The following FBXL13 variants were observed in gnomAD, a reference collection of about 807,000 sequenced individuals.
FBXL13 encodes F-box and leucine rich repeat protein 13, also known as F-box and leucine-rich repeat protein 13.
In FBXL13, 67 loss-of-function variants were observed where a neutral mutation model predicts 83.6. The ratio of observed to expected loss-of-function variants is 0.80; its 90% CI spans 0.66 to 0.98. The LOEUF is 0.98. Ranked by LOEUF, FBXL13 falls within the 50% of genes least tolerant of loss-of-function variation. The pLI is 0.00. For synonymous variants in FBXL13, 272 were observed against 299.5 expected (o/e 0.91, Z 0.95); for missense variants, 822 against 866.5 (o/e 0.95, Z 0.64).
intron 7 of FBXL13, among the ~76,000 whole-genome samples, chr7:102,964,021 C>T (rs374818227): frequency 2.2e-4 from 34 of 152,060 alleles, no homozygotes; most frequent in African/African-American, 7.0e-4. Flanking sequence ...AAATTGAAAC[C>T]ACAATGAGGT....
chr7:102,816,611 G>A (rs75440562), intron 19 of FBXL13, among the ~76,000 whole-genome samples: 2,979 of 152,190 alleles, frequency 0.02, 95 homozygotes, highest in African/African-American at 0.069. Flanking sequence ...TTGCACACAC[G>A]CACCTTTAAA....
intron 17 of FBXL13, among the ~76,000 whole-genome samples, chr7:102,841,038 T>C (rs1353606301): frequency 6.6e-6 from 1 of 152,138 alleles, no homozygotes. Context: ...TTACAAATTA[T>C]AACATGGAGA....
Position 102,969,848 on chromosome 7 carries a change from G to A in FBXL13, c.496-1731C>T, listed in dbSNP as rs570021499. 2.2e-5 allele frequency among the ~76,000 whole-genome samples: 3 copies of A among 139,524 alleles called. No homozygotes were observed. In the East Asian group the frequency reaches 6.3e-4, roughly 29 times the overall value. The allele number at this position is 139,524 out of a possible 152,430, so 91.5% of individuals were successfully genotyped here. A position where few individuals can be genotyped will look rare whatever the true frequency, so the allele number is the denominator to read the frequency against. ...GGAGAGGGGAGGGGAGGGGAGGGGA[G>A]GGGAGGGAAAAGAAAAGAAAAGAAA... On this transcript the variant is annotated intron_variant, in intron 6 of 19. Transcript: ENST00000313221.
intron 1 of FBXL13, among the ~76,000 whole-genome samples, chr7:103,059,543 A>T (rs1797655369): frequency 6.6e-6 from 1 of 152,206 alleles, no homozygotes; most frequent in Non-Finnish European, 1.5e-5. Flanking sequence ...TCAGGGCCTT[A>T]TTATTAATAA....
At position 102,949,267 on chromosome 7, in the gene FBXL13, A is replaced by AT. The variant is rs925379925; in HGVS notation, c.724+14265dup. On this transcript the variant is annotated intron_variant, in intron 8 of 19. Coordinates refer to ENST00000313221, the Ensembl canonical transcript of FBXL13. ...TGGAAAAGCTAAAACATCTCTGAGA[A>AT]TTTTTTTTTAACTTTTATTTTAATT... 2.5e-4 allele frequency among the ~76,000 whole-genome samples: 38 copies of AT among 151,834 alleles called. No homozygotes were observed. The South Asian group carries it at 7.1e-3, about 28-fold the overall frequency.
intron 6 of FBXL13, among the ~76,000 whole-genome samples, chr7:102,977,557 C>A (rs949746570): frequency 6.6e-6 from 1 of 152,202 alleles, no homozygotes; most frequent in Non-Finnish European, 1.5e-5. Context: ...CTGATAAGGA[C>A]AGTAATCTTC....
intron 10 of FBXL13, among the ~76,000 whole-genome samples, chr7:102,918,258 A>C (rs1303320412): frequency 6.6e-6 from 1 of 152,214 alleles, no homozygotes. Flanking sequence ...ATGGCAAAAA[A>C]ATCAGTATCA....
intron 15 of FBXL13, 26 bp downstream of exon 16, chr7:102,878,305 T>C (rs1311026884): frequency 1.9e-6 from 3 of 1,572,316 alleles, no homozygotes; most frequent in South Asian, 2.4e-5. Context: ...ACTAATGATA[T>C]GATGTAAAAG....
At chr7:102,954,109 G>C (rs932654371) in intron 8 of FBXL13, among the ~76,000 whole-genome samples, 1 of 152,160 alleles carries the variant, frequency 6.6e-6, no homozygotes, top group African/African-American at 2.4e-5. Context: ...CACAGGAAAA[G>C]CCAAAGCAGG....
intron 18 of FBXL13, among the ~76,000 whole-genome samples, chr7:102,831,640 A>G (rs1033264320): frequency 9.2e-5 from 14 of 152,272 alleles, no homozygotes; most frequent in African/African-American, 3.4e-4. Context: ...CTCTTAACCC[A>G]GTTCCAAAGG....
intron 1 of FBXL13, among the ~76,000 whole-genome samples, chr7:103,059,800 A>C (rs7780405): frequency 0.19 from 28,127 of 151,578 alleles, 3,127 homozygotes; most frequent in East Asian, 0.59. Flanking sequence ...CTATCTTTCA[A>C]AGAGCAAGAT....
chr7:102,903,413 CTT>C (rs986026793), intron 11 of FBXL13, among the ~76,000 whole-genome samples: 29 of 152,124 alleles, frequency 1.9e-4, no homozygotes, highest in African/African-American at 6.7e-4. Flanking sequence ...ATATCTTTCT[CTT>C]GTCTGATTGC....
At chr7:102,986,940 C>CACACACAT (rs1281066690) in intron 6 of FBXL13, among the ~76,000 whole-genome samples, 1 of 150,370 alleles carries the variant, frequency 6.7e-6, no homozygotes, top group Non-Finnish European at 1.5e-5. Flanking sequence ...CACACACACA[C>CACACACAT]ATATACACAT....
chr7:102,973,906 G>C (rs1827097305), intron 6 of FBXL13: 1 of 669,244 alleles, frequency 1.5e-6, no homozygotes, highest in Non-Finnish European at 2.7e-6. Flanking sequence ...TGGTCTTAGG[G>C]GGACGCCTCT....
At chr7:102,902,347 G>A (rs973495129) in intron 11 of FBXL13, among the ~76,000 whole-genome samples, 4 of 152,092 alleles carry the variant, frequency 2.6e-5, no homozygotes, top group Admixed American at 6.6e-5. Context: ...CTTGTCAGAT[G>A]GGTAGTTTGC....
rs202075044 is a variant in FBXL13 at position 102,970,340 on chromosome 7, A to AT, written c.496-2224dup. On this transcript the variant is annotated intron_variant, in intron 6 of 19. Transcript: ENST00000313221. ...GTTAAACAGAAATAATAATAAATTC[A>AT]TTTTTTTTAAAAAAATGAATGAAAA... Among the ~76,000 whole-genome samples the AT allele has an allele frequency of 1.1e-3, 171 of 150,922 alleles. 1 individual carries two copies. Among genetic ancestry groups the AT allele is most frequent in the Non-Finnish European group, 1.1e-3 (77 of 67,910 alleles).
chr7:103,028,529 C>T, intron 4 of FBXL13, 71 bp downstream of exon 5: 1 of 1,133,304 alleles, frequency 8.8e-7, no homozygotes, highest in East Asian at 2.9e-5. Flanking sequence ...CCAAAGTATG[C>T]TTAACTGTTA....
chr7:102,934,398 ACAACCCCTGG>A, intron 8 of FBXL13: 4 of 1,614,196 alleles, frequency 2.5e-6, no homozygotes, highest in Non-Finnish European at 3.4e-6. Context: ...CGTCTTTATG[ACAACCCCTGG>A]CACTGTACTT....
intron 2 of FBXL13, 119 bp downstream of exon 3, chr7:103,054,969 G>C: frequency 1.7e-5 from 8 of 465,012 alleles, no homozygotes; most frequent in Non-Finnish European, 7.2e-6. Flanking sequence ...CACTTTTCTC[G>C]GTGCCCCCAA....
Sources: gnomAD v4.1 joint callset for allele counts (sites outside exome capture counted in the v4.1 genomes callset) on GRCh38, gnomAD v4.1.1 for gene constraint, MANE v1.5 for transcripts, NCBI Gene and HGNC (gene_info 2026-07-23, HGNC 2026-07-21) for gene names.